Variants in PTPRD observed in about 807,000 individuals in gnomAD.
PTPRD encodes the protein protein tyrosine phosphatase receptor type D.
Under a neutral mutation model 214.5 loss-of-function variants are expected in PTPRD, and 34 were observed. That is an observed-to-expected ratio of 0.16 (90% CI 0.12 to 0.21). The LOEUF is 0.21. Ranked by LOEUF, PTPRD falls within the 10% of genes least tolerant of loss-of-function variation. The pLI, the probability that PTPRD is intolerant of heterozygous loss-of-function variation, is 1.00. For missense variants in PTPRD, 2,545 were observed against 2,398.7 expected (o/e 1.06, Z -1.27); for synonymous variants, 1,128 against 845.7 (o/e 1.33, Z -5.79).
chr9:10,495,644 G>A (rs753690380), intron 2 of PTPRD, among the ~76,000 whole-genome samples: 3 of 151,836 alleles, frequency 2.0e-5, no homozygotes, highest in Non-Finnish European at 2.9e-5. Flanking sequence ...AAGGATAAAA[G>A]AGGAAAATAT....
intron 9 of PTPRD, among the ~76,000 whole-genome samples, chr9:9,315,915 T>C (rs1187704276): frequency 2.0e-5 from 3 of 151,078 alleles, no homozygotes; most frequent in African/African-American, 7.3e-5. Flanking sequence ...AAAGCTTTTC[T>C]TGCGAATTTT....
intron 7 of PTPRD, among the ~76,000 whole-genome samples, chr9:9,638,096 C>T (rs536704980): frequency 1.3e-5 from 2 of 152,304 alleles, no homozygotes; most frequent in South Asian, 2.1e-4. Flanking sequence ...TAATATCAGG[C>T]TGCCTTCTAT....
chr9:9,669,368 T>G (rs1310613499), intron 7 of PTPRD, among the ~76,000 whole-genome samples: 6 of 152,178 alleles, frequency 3.9e-5, no homozygotes, highest in Non-Finnish European at 8.8e-5. Context: ...GGACCAAACG[T>G]AGGTAATCTA....
At chr9:9,666,716 T>C (rs768654215) in intron 7 of PTPRD, among the ~76,000 whole-genome samples, 9 of 152,062 alleles carry the variant, frequency 5.9e-5, no homozygotes, top group Non-Finnish European at 1.0e-4. Flanking sequence ...TCCTTTATTG[T>C]TGCATCTAGT....
chr9:9,513,563 T>A (rs535149111), intron 8 of PTPRD, among the ~76,000 whole-genome samples: 86 of 149,926 alleles, frequency 5.7e-4, no homozygotes, highest in Non-Finnish European at 1.1e-3. Context: ...ATGTACTCAG[T>A]AATAACCTGA....
chr9:10,258,097 C>T (rs1483400809), intron 3 of PTPRD, among the ~76,000 whole-genome samples: 1 of 152,178 alleles, frequency 6.6e-6, no homozygotes, highest in Non-Finnish European at 1.5e-5. Context: ...AGCCATCCTT[C>T]AGCCAATTCC....
chr9:8,765,494 G>C (rs982067680), intron 11 of PTPRD, among the ~76,000 whole-genome samples: 1 of 152,164 alleles, frequency 6.6e-6, no homozygotes, highest in Non-Finnish European at 1.5e-5. Context: ...GCAACCATGT[G>C]AATAAGGTTA....
chr9:10,415,955 T>C (rs1343127036), intron 2 of PTPRD, among the ~76,000 whole-genome samples: 1 of 151,834 alleles, frequency 6.6e-6, no homozygotes, highest in African/African-American at 2.4e-5. Context: ...AGAGCCAAGA[T>C]GCACCTTTTT....
chr9:10,235,708 C>T (rs1459753934), intron 3 of PTPRD, among the ~76,000 whole-genome samples: 1 of 151,944 alleles, frequency 6.6e-6, no homozygotes, highest in Non-Finnish European at 1.5e-5. Flanking sequence ...TTTATCCATT[C>T]GTGATCTCAC....
At chr9:8,764,978 T>G (rs532757675) in intron 11 of PTPRD, among the ~76,000 whole-genome samples, 52 of 152,240 alleles carry the variant, frequency 3.4e-4, no homozygotes, top group African/African-American at 1.3e-3. Flanking sequence ...TCCTGTTTAT[T>G]AGCCAGACAA....
intron 11 of PTPRD, among the ~76,000 whole-genome samples, chr9:8,930,576 C>T (rs979907222): frequency 7.0e-4 from 107 of 152,148 alleles, no homozygotes; most frequent in Non-Finnish European, 1.3e-3. Flanking sequence ...ACAGTCCCAC[C>T]AACAGTGTAA....
At chr9:9,594,184 C>G (rs113662680) in intron 7 of PTPRD, among the ~76,000 whole-genome samples, 5 of 152,068 alleles carry the variant, frequency 3.3e-5, no homozygotes. Flanking sequence ...CTGAGCTACA[C>G]ATTTCCCAGG....
At chr9:9,273,546 T>C (rs1400769394) in intron 9 of PTPRD, among the ~76,000 whole-genome samples, 1 of 151,326 alleles carries the variant, frequency 6.6e-6, no homozygotes, top group Non-Finnish European at 1.5e-5. Context: ...CTAATGGAAT[T>C]TTCTTTAAAA....
At chr9:10,263,105 G>A (rs527675038) in intron 3 of PTPRD, among the ~76,000 whole-genome samples, 1 of 152,076 alleles carries the variant, frequency 6.6e-6, no homozygotes, top group African/African-American at 2.4e-5. Context: ...GTGGAACTGT[G>A]AGTCCATGAA....
intron 2 of PTPRD, among the ~76,000 whole-genome samples, chr9:10,355,376 T>TG (rs1157487022): frequency 6.6e-6 from 1 of 151,982 alleles, no homozygotes; most frequent in Non-Finnish European, 1.5e-5. Flanking sequence ...ACTGTTATAT[T>TG]TTTAAAACAT....
intron 37 of PTPRD, among the ~76,000 whole-genome samples, chr9:8,387,357 T>G (rs2087514074): frequency 6.6e-6 from 1 of 152,210 alleles, no homozygotes; most frequent in East Asian, 1.9e-4. Context: ...TGGGGCCAGT[T>G]AGAACTAACT....
intron 9 of PTPRD, among the ~76,000 whole-genome samples, chr9:9,207,932 T>G (rs906976093): frequency 5.9e-5 from 9 of 151,512 alleles, no homozygotes; most frequent in African/African-American, 2.2e-4. Flanking sequence ...AGTATATCTT[T>G]TAGTGAAAAA....
intron 4 of PTPRD, among the ~76,000 whole-genome samples, chr9:10,008,444 C>G (rs968491645): frequency 3.9e-5 from 6 of 151,930 alleles, no homozygotes; most frequent in Admixed American, 3.9e-4. Flanking sequence ...CACATTTTGA[C>G]ATATAGAGCC....
intron 3 of PTPRD, among the ~76,000 whole-genome samples, chr9:10,317,736 A>T (rs899223343): frequency 6.6e-6 from 1 of 151,858 alleles, no homozygotes; most frequent in African/African-American, 2.4e-5. Flanking sequence ...AAACACAAAT[A>T]AAAAAATTAC....
Sources: gnomAD v4.1 joint callset for allele counts (sites outside exome capture counted in the v4.1 genomes callset) on GRCh38, gnomAD v4.1.1 for gene constraint, MANE v1.5 for transcripts, NCBI Gene and HGNC (gene_info 2026-07-23, HGNC 2026-07-21) for gene names.